RC3H2: variants seen among roughly 807,000 people sequenced by gnomAD.
The protein encoded by RC3H2 is roquin-2.
RC3H2 carries 31 observed loss-of-function variants against 133.3 expected under a neutral mutation model. That is an observed-to-expected ratio of 0.23 (90% CI 0.17 to 0.31). RC3H2 has a LOEUF of 0.31. Ranked by LOEUF, RC3H2 falls within the 10% of genes least tolerant of loss-of-function variation. RC3H2 has a pLI of 1.00. For missense variants in RC3H2, 1,175 were observed against 1,437.2 expected (o/e 0.82, Z 2.95); for synonymous variants, 517 against 502.2 (o/e 1.03, Z -0.40).
chr9:122,868,835 CTATATGTGTG>C (rs1204316922), intron 9 of RC3H2, among the ~76,000 whole-genome samples: 12 of 135,842 alleles, frequency 8.8e-5, no homozygotes, highest in African/African-American at 3.2e-4. Flanking sequence ...ATATTCCCTC[CTATATGTGTG>C]TGTGTGTGTG....
chr9:122,880,569 C>T (rs1238441255), intron 6 of RC3H2, 25 bp downstream of exon 6: 2 of 1,549,216 alleles, frequency 1.3e-6, no homozygotes, highest in Non-Finnish European at 1.8e-6. Flanking sequence ...AATGATAGAA[C>T]ATCAGCATCT....
At chr9:122,858,128 T>G (rs1349282603) in intron 12 of RC3H2, 35 bp from the exon 13 acceptor site, 2 of 1,577,966 alleles carry the variant, frequency 1.3e-6, no homozygotes, top group Non-Finnish European at 8.7e-7. Flanking sequence ...CTTAATCATC[T>G]AGGGAGTGGT....
At chr9:122,857,349 C>T (rs1187477144) in intron 13 of RC3H2, among the ~76,000 whole-genome samples, 2 of 152,166 alleles carry the variant, frequency 1.3e-5, no homozygotes, top group African/African-American at 2.4e-5. Flanking sequence ...TCCTGGTACA[C>T]AAACTTGTTT....
intron 15 of RC3H2, 129 bp downstream of exon 15, chr9:122,855,055 G>C: frequency 1.4e-6 from 1 of 722,194 alleles, no homozygotes; most frequent in Non-Finnish European, 2.2e-6. Flanking sequence ...GGAGGTTGCA[G>C]TGAGCCAAGA....
At chr9:122,863,701 T>C (rs1290230037) in intron 10 of RC3H2, among the ~76,000 whole-genome samples, 1 of 152,222 alleles carries the variant, frequency 6.6e-6, no homozygotes, top group African/African-American at 2.4e-5. Flanking sequence ...TTCTCAAATA[T>C]ATCTTTTCTA....
intron 1 of RC3H2, among the ~76,000 whole-genome samples, chr9:122,898,522 G>A (rs1188163542): frequency 6.6e-6 from 1 of 152,086 alleles, no homozygotes; most frequent in African/African-American, 2.4e-5. Flanking sequence ...GGCCGAGGTG[G>A]GAGGATCACC....
At chr9:122,895,994 TC>T (rs79929537) in intron 2 of RC3H2, among the ~76,000 whole-genome samples, 1,714 of 150,218 alleles carry the variant, frequency 0.011, 22 homozygotes, top group African/African-American at 0.035. Flanking sequence ...CTTTTTTTTT[TC>T]CCCCCTAATG....
At chr9:122,861,091 C>A (rs955801466) in intron 10 of RC3H2, among the ~76,000 whole-genome samples, 1 of 152,130 alleles carries the variant, frequency 6.6e-6, no homozygotes, top group Non-Finnish European at 1.5e-5. Context: ...AGGCAAAACA[C>A]ACCAACCTTT....
In RC3H2 at chr9:122,890,450, C is replaced by A; in HGVS notation, c.445G>T (p.Val149Leu). 6.2e-7 allele frequency: 1 copy of A among 1,614,224 alleles called. No individual in the cohort carries two copies. The highest frequency in any genetic ancestry group is 1.3e-5 in the African/African-American group (1 of 75,068). ...GAACGAGCTGCTCGCATGGCTCTTA[C>A]ACGACCTTCTTCCTCCACCAGTTGA... ...NCQLVEEEGR[V>L]RAMRAARSLG... The change falls in exon 4 of 21, where the codon GTA becomes TTA. Residue 149 changes from valine to leucine, a missense_variant. Physicochemically the swap from Val to Leu is conservative, Grantham distance 32. Around this residue, in one of 8 missense-constraint regions of RC3H2, gnomAD observed 121 missense variants for 243.5 expected, o/e 0.50. Coordinates refer to ENST00000357244, the MANE Select transcript of RC3H2 (RefSeq NM_001100588.3).
chr9:122,852,593 C>A (rs1452640571), intron 18 of RC3H2, among the ~76,000 whole-genome samples: 2 of 150,612 alleles, frequency 1.3e-5, no homozygotes, highest in African/African-American at 4.9e-5. Flanking sequence ...TGGGGGTCAG[C>A]CCCCGGCCCG....
chr9:122,904,293 T>C (rs1832760730), intron 1 of RC3H2, among the ~76,000 whole-genome samples: 3 of 152,206 alleles, frequency 2.0e-5, no homozygotes, highest in Non-Finnish European at 4.4e-5. Flanking sequence ...TGCCAGTGAT[T>C]ACTTGAGTCA....
At chr9:122,865,235 A>G in intron 10 of RC3H2, 114 bp downstream of exon 10, 1 of 987,364 alleles carries the variant, frequency 1.0e-6, no homozygotes, top group Non-Finnish European at 1.5e-6. Context: ...TACATCACAA[A>G]ATATTCTGCA....
intron 10 of RC3H2, among the ~76,000 whole-genome samples, chr9:122,861,482 C>T (rs1270894510): frequency 8.0e-6 from 1 of 125,558 alleles, no homozygotes; most frequent in East Asian, 2.5e-4. Flanking sequence ...AAGAGCGAAA[C>T]TCCGTCTCAA....
rs1394889650 is a variant in RC3H2 at position 122,866,423 on chromosome 9, CCTCTCTTT to C, written c.1326-774_1326-767del. On this transcript the variant is annotated intron_variant, in intron 9 of 20. Transcript: ENST00000357244. ...TCCCTCTCCCCACGGTCTCCCTCTC[CCTCTCTTT>C]CCACGGTCTCCCTCTGATGCCGAGC... Among the ~76,000 whole-genome samples the C allele has an allele frequency of 3.5e-4, 51 of 144,798 alleles. 1 individual carries two copies. The East Asian group carries it at 3.5e-3, about 10-fold the overall frequency. The allele number at this position is 144,798 out of a possible 152,430, so 95.0% of individuals were successfully genotyped here.
chr9:122,850,318 C>T (rs1340605439), intron 20 of RC3H2, among the ~76,000 whole-genome samples: 4 of 151,928 alleles, frequency 2.6e-5, no homozygotes, highest in Non-Finnish European at 4.4e-5. Flanking sequence ...AATTAAAATA[C>T]TAGTTAGTTT....
chr9:122,864,536 G>T (rs1830567234), intron 10 of RC3H2, among the ~76,000 whole-genome samples: 1 of 152,010 alleles, frequency 6.6e-6, no homozygotes. Flanking sequence ...AAGGTAGACA[G>T]ATTAAGTAAC....
intron 12 of RC3H2, 89 bp from the exon 13 acceptor site, chr9:122,858,182 A>G: frequency 8.2e-7 from 1 of 1,219,850 alleles, no homozygotes; most frequent in Non-Finnish European, 1.2e-6. Flanking sequence ...AGTTTATGAT[A>G]TTGTTGGGAT....
chr9:122,886,991 A>T (rs77596117), intron 4 of RC3H2, among the ~76,000 whole-genome samples: 6,077 of 152,332 alleles, frequency 0.04, 167 homozygotes, highest in Middle Eastern at 0.095. Flanking sequence ...GTAGATTTTT[A>T]AAATATCTTA....
At chr9:122,884,087 G>A (rs1027504752) in intron 4 of RC3H2, among the ~76,000 whole-genome samples, 2 of 152,272 alleles carry the variant, frequency 1.3e-5, no homozygotes, top group Admixed American at 1.3e-4. Flanking sequence ...CAGGTCAGGA[G>A]ATCGATACCA....
Sources: allele counts gnomAD v4.1 joint callset (sites outside exome capture counted in the v4.1 genomes callset), GRCh38; gene constraint gnomAD v4.1.1; regional missense constraint gnomAD v4.1.1; transcripts MANE v1.5; gene names NCBI Gene and HGNC (gene_info 2026-07-23, HGNC 2026-07-21).